PTPDC1: variants seen among roughly 807,000 people sequenced by gnomAD.
The protein encoded by PTPDC1 is protein tyrosine phosphatase domain-containing protein 1.
Under a neutral mutation model 75.3 loss-of-function variants are expected in PTPDC1, and 53 were observed. The observed-to-expected ratio is 0.70, with a 90% CI of 0.56 to 0.88. The LOEUF (loss-of-function observed/expected upper bound fraction) is 0.88. PTPDC1 is among the 40% of genes least tolerant of loss of function. The pLI is 0.00. For synonymous variants in PTPDC1, 349 were observed against 366.2 expected (o/e 0.95, Z 0.54); for missense variants, 925 against 998.6 (o/e 0.93, Z 0.99).
At chr9:94,093,036 T>C (rs1407793753) in intron 4 of PTPDC1, among the ~76,000 whole-genome samples, 2 of 151,556 alleles carry the variant, frequency 1.3e-5, no homozygotes, top group African/African-American at 2.4e-5. Flanking sequence ...GACTCTTTAT[T>C]CAATTTGCCA....
At chr9:94,067,750 C>T (rs983332573) in intron 2 of PTPDC1, among the ~76,000 whole-genome samples, 11 of 152,052 alleles carry the variant, frequency 7.2e-5, no homozygotes, top group African/African-American at 2.7e-4. Context: ...TACAGGCATG[C>T]GCCACCATGC....
chr9:94,069,823 CTT>C (rs763640631), intron 2 of PTPDC1, among the ~76,000 whole-genome samples: 4 of 108,188 alleles, frequency 3.7e-5, no homozygotes, highest in Admixed American at 1.0e-4. Flanking sequence ...CCAATACTTT[CTT>C]TTTTTTTTTT....
chr9:94,032,264 C>T (rs1829742859), intron 1 of PTPDC1, among the ~76,000 whole-genome samples: 1 of 152,168 alleles, frequency 6.6e-6, no homozygotes, highest in African/African-American at 2.4e-5. Flanking sequence ...TCTCAGCTCC[C>T]ACTCCAGAAA....
intron 2 of PTPDC1, among the ~76,000 whole-genome samples, chr9:94,072,115 C>G (rs1332672333): frequency 1.3e-5 from 2 of 152,132 alleles, no homozygotes; most frequent in African/African-American, 4.8e-5. Context: ...TCAAGCAATT[C>G]TCCTGCCTCA....
intron 2 of PTPDC1, among the ~76,000 whole-genome samples, chr9:94,065,226 A>G (rs1312153890): frequency 1.3e-5 from 2 of 152,188 alleles, no homozygotes; most frequent in African/African-American, 4.8e-5. Flanking sequence ...TGCTTTTTAT[A>G]TGACACCCCA....
chr9:94,097,182 C>T (rs1417231733), intron 5 of PTPDC1, 139 bp from the exon 6 acceptor site: 1 of 652,060 alleles, frequency 1.5e-6, no homozygotes. Flanking sequence ...AAGTTATCAT[C>T]ATAATTGTCC....
In PTPDC1 at chr9:94,109,545, AG is replaced by A. The variant is rs1028208269; in HGVS notation, c.*1602del. On this transcript the variant is annotated 3_prime_UTR_variant, in exon 9 of 9. Transcript: ENST00000620992. ...TATTTTCAAGTGCCTGGCCTGGGAA[AG>A]AAGGGGAAGAAACAATTGCATTATA... 6.6e-6 allele frequency: 1 copy of A among 152,056 alleles called. No homozygotes were observed. The highest frequency in any genetic ancestry group is 2.4e-5 in the African/African-American group (1 of 41,302). The allele number at this position is 152,056 out of a possible 1,614,324, so 9.4% of individuals were successfully genotyped here.
chr9:94,103,082 A>G (rs1336836191), intron 7 of PTPDC1, among the ~76,000 whole-genome samples: 1 of 152,160 alleles, frequency 6.6e-6, no homozygotes, highest in Non-Finnish European at 1.5e-5. Context: ...ACATGCACAC[A>G]GATACAATAC....
Position 94,097,439 on chromosome 9 carries a change from A to G in PTPDC1, c.873A>G (p.Val291=), listed in dbSNP as rs752417993. The part of the protein sequence containing the change: ...SIQTRGQLLC[V]REFTQFLTPL... ...AAACCAGAGGACAGCTCCTCTGTGT[A>G]AGGGAATTTACTCAGTTTCTAACTC... Residue 291 remains valine, a synonymous_variant, in exon 6 of 9, where the codon GTA becomes GTG. Transcript: ENST00000620992. 4 of 1,614,138 alleles carry G rather than the reference A, an allele frequency of 2.5e-6. No homozygotes were observed. The highest frequency in any genetic ancestry group is 3.4e-6 in the Non-Finnish European group (4 of 1,179,992).
chr9:94,086,580 A>G (rs776060901), intron 2 of PTPDC1, among the ~76,000 whole-genome samples: 6 of 152,146 alleles, frequency 3.9e-5, no homozygotes, highest in African/African-American at 1.2e-4. Flanking sequence ...CTTACCTTAT[A>G]TATCTCATCA....
At chr9:94,091,280 T>G (rs1043541483) in intron 4 of PTPDC1, among the ~76,000 whole-genome samples, 17 of 152,178 alleles carry the variant, frequency 1.1e-4, no homozygotes, top group African/African-American at 3.9e-4. Flanking sequence ...TATTGAGAGT[T>G]TTTAGTATGA....
At chr9:94,081,608 T>C (rs1826885846), upstream of PTPDC1, among the ~76,000 whole-genome samples, 1 of 152,158 alleles carries the variant, frequency 6.6e-6, no homozygotes, top group South Asian at 2.1e-4. Flanking sequence ...CTCTAAAAAG[T>C]CCACCTCAAA....
At chr9:94,051,305 A>G (rs1321009364) in intron 1 of PTPDC1, among the ~76,000 whole-genome samples, 2 of 152,202 alleles carry the variant, frequency 1.3e-5, no homozygotes, top group Non-Finnish European at 2.9e-5. Context: ...TGTGTTGCTC[A>G]TGCTGGGAGC....
chr9:94,088,285 C>A (rs1827149090), intron 4 of PTPDC1, 22 bp downstream of exon 4: 1 of 1,610,548 alleles, frequency 6.2e-7, no homozygotes, highest in Non-Finnish European at 8.5e-7. Flanking sequence ...CCACCCTCCT[C>A]TCATGAATTA....
At chr9:94,079,857 G>A (rs527602961), upstream of PTPDC1, among the ~76,000 whole-genome samples, 1 of 152,246 alleles carries the variant, frequency 6.6e-6, no homozygotes, top group East Asian at 1.9e-4. Context: ...TGGTCTTCTT[G>A]GCTTGCCTAA....
At chr9:94,080,027 C>T (rs933072169), upstream of PTPDC1, among the ~76,000 whole-genome samples, 17 of 152,186 alleles carry the variant, frequency 1.1e-4, no homozygotes, top group Non-Finnish European at 2.5e-4. Flanking sequence ...GTTATTAGAA[C>T]ATTCCCAGGC....
At chr9:94,076,738 C>A (rs1826704958) in intron 2 of PTPDC1, among the ~76,000 whole-genome samples, 1 of 152,122 alleles carries the variant, frequency 6.6e-6, no homozygotes, top group South Asian at 2.1e-4. Context: ...TCTGTTTAAT[C>A]ATTTGAGGAA....
At chr9:94,042,013 A>G (rs1372094749) in intron 1 of PTPDC1, among the ~76,000 whole-genome samples, 2 of 152,186 alleles carry the variant, frequency 1.3e-5, no homozygotes, top group Non-Finnish European at 2.9e-5. Flanking sequence ...TATTTAAGCT[A>G]AAGAGGATTT....
chr9:94,063,176 T>A (rs1277410970), intron 1 of PTPDC1, among the ~76,000 whole-genome samples: 1 of 152,236 alleles, frequency 6.6e-6, no homozygotes, highest in African/African-American at 2.4e-5. Flanking sequence ...GGACCTTCTC[T>A]GGGACATGGT....
Sources: gnomAD v4.1 joint callset for allele counts (sites outside exome capture counted in the v4.1 genomes callset) on GRCh38, gnomAD v4.1.1 for gene constraint, MANE v1.5 for transcripts, NCBI Gene and HGNC (gene_info 2026-07-23, HGNC 2026-07-21) for gene names.